The following FAM13B variants were observed in gnomAD, a reference collection of about 807,000 sequenced individuals.
FAM13B encodes protein FAM13B.
FAM13B carries 60 observed loss-of-function variants against 117.3 expected under a neutral mutation model. That is an observed-to-expected ratio of 0.51 (90% CI 0.42 to 0.63). The LOEUF (loss-of-function observed/expected upper bound fraction) is 0.63, where lower values mean the gene tolerates loss of function less well. Among genes scored for constraint, FAM13B ranks in the 30% least tolerant of loss-of-function variants. The pLI, the probability that FAM13B is intolerant of heterozygous loss-of-function variation, is 0.00. For synonymous variants in FAM13B, 332 were observed against 356.1 expected, an observed-to-expected ratio of 0.93 and a Z score of 0.76; for missense variants, 972 against 1,091.9, an observed-to-expected ratio of 0.89 and a Z score of 1.55.
intron 22 of FAM13B, 36 bp downstream of exon 22, chr5:137,942,839 T>C: frequency 6.4e-7 from 1 of 1,562,828 alleles, no homozygotes; most frequent in Admixed American, 2.1e-5. Flanking sequence ...CATTTTATTA[T>C]AAAAATAGGC....
At chr5:137,947,622 C>T (rs1763801827) in intron 18 of FAM13B, among the ~76,000 whole-genome samples, 1 of 151,750 alleles carries the variant, frequency 6.6e-6, no homozygotes, top group Non-Finnish European at 1.5e-5. Flanking sequence ...CGCTCTGTTG[C>T]CCAGGCTTGA....
chr5:138,028,752 T>C (rs116749312), intron 1 of FAM13B, among the ~76,000 whole-genome samples: 2,035 of 152,274 alleles, frequency 0.013, 34 homozygotes, highest in African/African-American at 0.045. Flanking sequence ...GTGCAGTGGC[T>C]CACGCCTATA....
chr5:137,987,152 A>G (rs1777436097), intron 9 of FAM13B, among the ~76,000 whole-genome samples: 1 of 152,186 alleles, frequency 6.6e-6, no homozygotes, highest in African/African-American at 2.4e-5. Flanking sequence ...CTAATTTTTT[A>G]AAGTTATTTT....
In FAM13B at chr5:137,943,219, A is replaced by T; in HGVS notation, c.2341-3T>A. 1 of 1,606,286 alleles carries T rather than the reference A, an allele frequency of 6.2e-7. No homozygotes were observed. Among genetic ancestry groups the T allele is most frequent in the Non-Finnish European group, 8.5e-7 (1 of 1,173,774 alleles). On this transcript the variant is annotated splice_region_variant and splice_polypyrimidine_tract_variant and intron_variant, in intron 20 of 23. Transcript: ENST00000689681. ...CTTCGCTTGGTGGATGGAGATCCCT[A>T]TAACAATCAATAATATAAATAGTTT...
In FAM13B at chr5:137,943,021, A is replaced by C; in HGVS notation, c.2442T>G (p.Gly814=). ...CACCTAACTCAGAGGACAGATTAAC[A>C]CCATCTTCTTCTTCCTCCTAAAAAG... ...FEEIKEEEED[G]VNLSSELGDM... Residue 814 remains glycine, a synonymous_variant, in exon 22 of 24, where the codon GGT becomes GGG. Transcript: ENST00000689681. 1 of 1,613,096 alleles carries C rather than the reference A, an allele frequency of 6.2e-7. No individual in the cohort carries two copies. The highest frequency in any genetic ancestry group is 8.5e-7 in the Non-Finnish European group (1 of 1,179,714).
intron 7 of FAM13B, among the ~76,000 whole-genome samples, chr5:138,003,731 C>T (rs993719274): frequency 6.6e-6 from 1 of 152,136 alleles, no homozygotes; most frequent in Non-Finnish European, 1.5e-5. Flanking sequence ...GACCCTCTCC[C>T]GACCACCCCA....
At chr5:138,043,518 C>T (rs1228609441) in intron 1 of FAM13B, among the ~76,000 whole-genome samples, 2 of 150,316 alleles carry the variant, frequency 1.3e-5, no homozygotes, top group East Asian at 3.9e-4. Context: ...CGGCTCACTG[C>T]AACCTCCACC....
In FAM13B at chr5:137,939,870, C is replaced by G; in HGVS notation, c.*355G>C. On this transcript the variant is annotated 3_prime_UTR_variant, in exon 24 of 24. Coordinates refer to ENST00000689681, the MANE Select transcript of FAM13B (RefSeq NM_001385994.1). ...TCCAATTTTCTTCAGTAATGAGAAACAAAAAGTTGGTAATAACAAAAAGCT... is the reference window on the plus strand; with the variant it reads ...TCCAATTTTCTTCAGTAATGAGAAAGAAAAAGTTGGTAATAACAAAAAGCT... The G allele has an allele frequency of 7.6e-7, 1 of 1,321,972 alleles. No homozygotes were observed. Among genetic ancestry groups the G allele is most frequent in the Non-Finnish European group, 9.6e-7 (1 of 1,038,830 alleles). 81.9% of individuals were successfully genotyped at this position (1,321,972 alleles called of 1,614,324 possible).
At chr5:138,012,526 C>T (rs577327687) in intron 4 of FAM13B, among the ~76,000 whole-genome samples, 2 of 152,298 alleles carry the variant, frequency 1.3e-5, no homozygotes, top group African/African-American at 2.4e-5. Context: ...TTTCATTTCT[C>T]GTCTGTTTTT....
intron 10 of FAM13B, among the ~76,000 whole-genome samples, chr5:137,970,167 C>T (rs11948166): frequency 6.6e-6 from 1 of 151,592 alleles, no homozygotes; most frequent in Admixed American, 6.6e-5. Flanking sequence ...GTCAGATTCA[C>T]CAAAGTTGAA....
chr5:138,022,175 A>C (rs773828502), intron 1 of FAM13B, among the ~76,000 whole-genome samples: 1 of 152,046 alleles, frequency 6.6e-6, no homozygotes, highest in Non-Finnish European at 1.5e-5. Flanking sequence ...TTTAACTGAG[A>C]TAACATAGGT....
At chr5:138,049,465 G>A (rs1791739080) in intron 1 of FAM13B, among the ~76,000 whole-genome samples, 2 of 150,808 alleles carry the variant, frequency 1.3e-5, no homozygotes, top group Admixed American at 6.6e-5. Flanking sequence ...TAGAGGTGGG[G>A]TTTCACCCTG....
At chr5:137,971,360 T>A (rs1296688847) in intron 10 of FAM13B, among the ~76,000 whole-genome samples, 7 of 152,038 alleles carry the variant, frequency 4.6e-5, no homozygotes, top group Non-Finnish European at 1.0e-4. Context: ...CCTGAATGAC[T>A]ACTGGGTACA....
chr5:138,001,786 G>C (rs2150775867), intron 7 of FAM13B, among the ~76,000 whole-genome samples: 1 of 152,316 alleles, frequency 6.6e-6, no homozygotes, highest in East Asian at 1.9e-4. Flanking sequence ...TGAACATACT[G>C]AGAGAACCAT....
intron 16 of FAM13B, 51 bp from the exon 17 acceptor site, chr5:137,952,760 C>T (rs758821308): frequency 3.8e-6 from 4 of 1,064,042 alleles, no homozygotes; most frequent in Non-Finnish European, 4.2e-6. Flanking sequence ...GCAATAGTTA[C>T]ATTAATTTAT....
chr5:138,020,149 C>T (rs1157989824), intron 2 of FAM13B, among the ~76,000 whole-genome samples: 2 of 151,892 alleles, frequency 1.3e-5, no homozygotes, highest in East Asian at 1.9e-4. Context: ...CAACATTCAC[C>T]GCCTGGGTTC....
chr5:138,036,421 A>T (rs1452402040), upstream of FAM13B: 1 of 456,274 alleles, frequency 2.2e-6, no homozygotes, highest in Admixed American at 2.4e-5. Flanking sequence ...ACATTCCTCT[A>T]CTCTGCTGCC....
chr5:138,022,831 CT>C (rs751621682), intron 1 of FAM13B, among the ~76,000 whole-genome samples: 363 of 140,778 alleles, frequency 2.6e-3, no homozygotes, highest in Admixed American at 2.8e-3. Context: ...AAGCTATTTT[CT>C]TTTTTTTTTT....
intron 7 of FAM13B, among the ~76,000 whole-genome samples, chr5:138,004,527 C>G (rs1015844762): frequency 1.3e-5 from 2 of 152,168 alleles, no homozygotes; most frequent in African/African-American, 4.8e-5. Context: ...AGTCACTTGC[C>G]ACACGTGTGG....
Sources: gnomAD v4.1 joint callset for allele counts (sites outside exome capture counted in the v4.1 genomes callset) on GRCh38, gnomAD v4.1.1 for gene constraint, MANE v1.5 for transcripts, NCBI Gene and HGNC (gene_info 2026-07-23, HGNC 2026-07-21) for gene names.